The following ZNRF1 variants were observed in gnomAD, a reference collection of about 807,000 sequenced individuals.
ZNRF1 encodes zinc and ring finger 1, also known as E3 ubiquitin-protein ligase ZNRF1.
In ZNRF1, 3 loss-of-function variants were observed where a neutral mutation model predicts 18.4. The observed-to-expected ratio is 0.16, with a 90% CI of 0.07 to 0.42. The LOEUF (loss-of-function observed/expected upper bound fraction) is 0.42, where lower values mean the gene tolerates loss of function less well. Ranked by LOEUF, ZNRF1 falls within the 10% of genes least tolerant of loss-of-function variation. The pLI is 0.99. For synonymous variants in ZNRF1, 157 were observed against 144.2 expected, an observed-to-expected ratio of 1.09 and a Z score of -0.64; for missense variants, 310 against 329.8, an observed-to-expected ratio of 0.94 and a Z score of 0.47.
At chr16:75,003,254 G>A (rs902018605) in intron 1 of ZNRF1, among the ~76,000 whole-genome samples, 4 of 152,212 alleles carry the variant, frequency 2.6e-5, no homozygotes, top group Non-Finnish European at 5.9e-5. Context: ...GAGCCACTGC[G>A]CCCTGCACCT....
At chr16:75,013,803 A>C (rs377743378) in intron 1 of ZNRF1, among the ~76,000 whole-genome samples, 1 of 151,932 alleles carries the variant, frequency 6.6e-6, no homozygotes, top group African/African-American at 2.4e-5. Flanking sequence ...GGTGTCTTGG[A>C]ATTATTTATT....
chr16:75,072,250 G>A (rs915316152), intron 1 of ZNRF1, among the ~76,000 whole-genome samples: 8 of 152,112 alleles, frequency 5.3e-5, no homozygotes, highest in Admixed American at 2.0e-4. Context: ...GGGATTACAG[G>A]TATGAGCCAC....
Position 74,999,858 on chromosome 16 carries a change from A to G in ZNRF1, c.187A>G (p.Thr63Ala). The change falls in exon 1 of 5, where the codon ACG becomes GCG. Residue 63 changes from threonine to alanine, a missense_variant. By Grantham distance (58) the Thr-to-Ala change is moderately conservative. Coordinates refer to ENST00000335325, the MANE Select transcript of ZNRF1 (RefSeq NM_032268.5). ...SVAGMGMDPS[T>A]AGGVPFGLYT... The stretch of plus-strand genomic sequence containing the variant: ...GGCAGGCATGGGCATGGACCCCAGC[A>G]CGGCCGGGGGGGTGCCCTTTGGCCT... 1 of 1,509,818 alleles carries G rather than the reference A, an allele frequency of 6.6e-7. No homozygotes were observed. The highest frequency in any genetic ancestry group is 8.8e-7 in the Non-Finnish European group (1 of 1,133,310). The allele number at this position is 1,509,818 out of a possible 1,614,324, so 93.5% of individuals were successfully genotyped here.
At chr16:75,014,703 A>T (rs1392734326) in intron 1 of ZNRF1, among the ~76,000 whole-genome samples, 1 of 152,124 alleles carries the variant, frequency 6.6e-6, no homozygotes, top group African/African-American at 2.4e-5. Flanking sequence ...TCTTCAACTC[A>T]TAATTAAATA....
At chr16:75,011,746 G>T (rs560265432) in intron 1 of ZNRF1, among the ~76,000 whole-genome samples, 1 of 152,156 alleles carries the variant, frequency 6.6e-6, no homozygotes, top group Admixed American at 6.5e-5. Context: ...AATATCTGAC[G>T]AGCCCAGTCA....
At chr16:75,033,678 C>T (rs1250321593) in intron 1 of ZNRF1, among the ~76,000 whole-genome samples, 1 of 152,148 alleles carries the variant, frequency 6.6e-6, no homozygotes, top group Non-Finnish European at 1.5e-5. Flanking sequence ...CTCAAGTGAT[C>T]TGTTTCCCTC....
At position 75,014,406 on chromosome 16, in the gene ZNRF1, T is replaced by C. The variant is rs187054879; in HGVS notation, c.424+14311T>C. 2.4e-4 allele frequency among the ~76,000 whole-genome samples: 37 copies of C among 152,170 alleles called. 1 individual carries two copies. Among genetic ancestry groups the C allele is most frequent in the Admixed American group, 4.6e-4 (7 of 15,276 alleles). ...CTGTATAGACATGGAAGGAGAAAGA[T>C]ATTATGAGGTGTGTGTGTGTATATA... On this transcript the variant is annotated intron_variant, in intron 1 of 4. Transcript: ENST00000335325.
chr16:75,005,787 TTCTC>T (rs149900094), intron 1 of ZNRF1, among the ~76,000 whole-genome samples: 3 of 151,666 alleles, frequency 2.0e-5, no homozygotes, highest in South Asian at 2.1e-4. Flanking sequence ...TGTGAATGTG[TTCTC>T]TCTCTCTCTC....
intron 1 of ZNRF1, among the ~76,000 whole-genome samples, chr16:75,038,977 A>T (rs914293477): frequency 6.6e-6 from 1 of 152,134 alleles, no homozygotes; most frequent in Non-Finnish European, 1.5e-5. Flanking sequence ...TAAGAACCAT[A>T]TCTTCTTCTG....
At chr16:75,037,112 C>A (rs1460651323) in intron 1 of ZNRF1, among the ~76,000 whole-genome samples, 1 of 152,168 alleles carries the variant, frequency 6.6e-6, no homozygotes, top group Non-Finnish European at 1.5e-5. Context: ...GAATTTCAAT[C>A]TGTCGATTCC....
intron 2 of ZNRF1, among the ~76,000 whole-genome samples, chr16:75,098,231 G>A (rs968897033): frequency 1.3e-5 from 2 of 152,132 alleles, no homozygotes; most frequent in African/African-American, 2.4e-5. Context: ...TATGAGGAGC[G>A]AAAGCGACTA....
chr16:75,095,891 A>G, intron 2 of ZNRF1: 1 of 791,050 alleles, frequency 1.3e-6, no homozygotes, highest in East Asian at 3.0e-5. Context: ...CTCACCCAAG[A>G]CTACAGAAAC....
At chr16:75,072,668 T>C (rs1478238149) in intron 1 of ZNRF1, among the ~76,000 whole-genome samples, 2 of 152,246 alleles carry the variant, frequency 1.3e-5, no homozygotes, top group Non-Finnish European at 2.9e-5. Context: ...TGTTGTAGTA[T>C]ACACAAACAC....
intron 1 of ZNRF1, among the ~76,000 whole-genome samples, chr16:75,060,251 A>G (rs2145386545): frequency 6.6e-6 from 1 of 151,926 alleles, no homozygotes; most frequent in East Asian, 2.0e-4. Context: ...ACAGGGTTTC[A>G]CCATATTGAC....
In ZNRF1 at chr16:75,061,103, G is replaced by C. The variant is rs1207235613; in HGVS notation, c.425-32469G>C. On this transcript the variant is annotated intron_variant, in intron 1 of 4. Transcript: ENST00000335325. ...GGCATTCAGTGTGAAATAATAAGCA[G>C]GTCATGAAGAATGGGGTATCCATCC... Among the ~76,000 whole-genome samples the C allele has an allele frequency of 2.0e-5, 3 of 152,104 alleles. No homozygotes were observed. The East Asian group carries it at 5.8e-4, about 29-fold the overall frequency.
chr16:75,103,798 A>T (rs911822037), intron 2 of ZNRF1, among the ~76,000 whole-genome samples: 1 of 152,162 alleles, frequency 6.6e-6, no homozygotes, highest in African/African-American at 2.4e-5. Flanking sequence ...CAGCCCGGCC[A>T]ACATGGTGAA....
Position 74,999,523 on chromosome 16 carries a change from T to A in ZNRF1, c.-149T>A, listed in dbSNP as rs1310007047. The A allele has an allele frequency of 1.7e-6, 1 of 573,440 alleles. No individual in the cohort carries two copies. Among genetic ancestry groups the A allele is most frequent in the African/African-American group, 1.9e-5 (1 of 51,540 alleles). The allele number at this position is 573,440 out of a possible 1,614,324, so 35.5% of individuals were successfully genotyped here. A position where few individuals can be genotyped will look rare whatever the true frequency, so the allele number is the denominator to read the frequency against. On this transcript the variant is annotated 5_prime_UTR_variant, in exon 1 of 5. Transcript: ENST00000335325. Reference sequence around the variant, plus strand: ...TCTTCCGCCCCGCGGGTTTTTTCCTTTTTTCCTTTTGCTTTTTTTCCTTTT... The same window carrying A: ...TCTTCCGCCCCGCGGGTTTTTTCCTATTTTCCTTTTGCTTTTTTTCCTTTT...
chr16:75,044,493 C>T (rs1228679409), intron 1 of ZNRF1, among the ~76,000 whole-genome samples: 1 of 151,850 alleles, frequency 6.6e-6, no homozygotes, highest in Non-Finnish European at 1.5e-5. Flanking sequence ...TCCAAAAGTG[C>T]TGGGATTATA....
At chr16:75,024,175 T>C (rs79184977) in intron 1 of ZNRF1, among the ~76,000 whole-genome samples, 3,067 of 152,184 alleles carry the variant, frequency 0.02, 92 homozygotes, top group African/African-American at 0.064. Flanking sequence ...CAGCCCAGAA[T>C]CCTTCTTAAC....
Sources: gnomAD v4.1 joint callset for allele counts (sites outside exome capture counted in the v4.1 genomes callset) on GRCh38, gnomAD v4.1.1 for gene constraint, MANE v1.5 for transcripts, NCBI Gene and HGNC (gene_info 2026-07-23, HGNC 2026-07-21) for gene names.